Variants in PTPRD observed in about 807,000 individuals in gnomAD.
The protein encoded by PTPRD is protein tyrosine phosphatase receptor type D, also known as receptor-type tyrosine-protein phosphatase delta.
PTPRD carries 34 observed loss-of-function variants against 214.5 expected under a neutral mutation model. The ratio of observed to expected loss-of-function variants is 0.16; its 90% confidence interval spans 0.12 to 0.21. PTPRD has a LOEUF of 0.21. PTPRD is among the 10% of genes least tolerant of loss of function. The pLI is 1.00. For missense variants in PTPRD, 2,545 were observed against 2,398.7 expected (o/e 1.06, Z -1.27); for synonymous variants, 1,128 against 845.7 (o/e 1.33, Z -5.79).
Position 10,156,120 on chromosome 9 carries a change from G to GTA in PTPRD, c.-544-122331_-544-122330insTA, listed in dbSNP as rs1554755822. Reference sequence around the variant, plus strand: ...TGTGTGTGTGTGTGTGTGTGTGTGTGTGTGCCTGTCTCCTTTGGTTCAGCT... The same window carrying GTA: ...TGTGTGTGTGTGTGTGTGTGTGTGTGTATGTGCCTGTCTCCTTTGGTTCAGCT... On this transcript the variant is annotated intron_variant, in intron 3 of 45. Coordinates refer to ENST00000381196, the MANE Select transcript of PTPRD (RefSeq NM_002839.4). 8.0e-4 allele frequency among the ~76,000 whole-genome samples: 112 copies of GTA among 139,884 alleles called. 1 individual carries two copies. Among genetic ancestry groups the GTA allele is most frequent in the African/African-American group, 2.7e-3 (98 of 35,744 alleles). The allele number at this position is 139,884 out of a possible 152,430, so 91.8% of individuals were successfully genotyped here.
At chr9:9,975,229 C>T (rs1452092218) in intron 4 of PTPRD, among the ~76,000 whole-genome samples, 1 of 152,136 alleles carries the variant, frequency 6.6e-6, no homozygotes. Flanking sequence ...CCATGGACTC[C>T]TTTATTTTTC....
chr9:9,227,791 T>C (rs192462995), intron 9 of PTPRD, among the ~76,000 whole-genome samples: 98 of 152,224 alleles, frequency 6.4e-4, no homozygotes, highest in Non-Finnish European at 8.8e-5. Flanking sequence ...GAATGAGCCA[T>C]CTTGGAAATG....
chr9:10,430,195 AT>A (rs2098664464), intron 2 of PTPRD, among the ~76,000 whole-genome samples: 1 of 151,964 alleles, frequency 6.6e-6, no homozygotes, highest in South Asian at 2.1e-4. Flanking sequence ...GAAATTTAGA[AT>A]ATTTTTCCTT....
At chr9:9,305,205 G>A (rs1033028632) in intron 9 of PTPRD, among the ~76,000 whole-genome samples, 40 of 151,230 alleles carry the variant, frequency 2.6e-4, no homozygotes, top group African/African-American at 9.0e-4. Context: ...AATTGTCTTC[G>A]TAACTCTTAC....
chr9:8,497,664 TC>T (rs1310298188), intron 25 of PTPRD, among the ~76,000 whole-genome samples: 1 of 152,102 alleles, frequency 6.6e-6, no homozygotes, highest in African/African-American at 2.4e-5. Context: ...TTCAATGAAG[TC>T]CTGTGAGATG....
chr9:10,383,041 G>A (rs1409479767), intron 2 of PTPRD, among the ~76,000 whole-genome samples: 1 of 151,746 alleles, frequency 6.6e-6, no homozygotes, highest in African/African-American at 2.4e-5. Flanking sequence ...GGCTAGTGAT[G>A]CCTTAAGTCA....
At chr9:8,919,172 C>G (rs1413560786) in intron 11 of PTPRD, among the ~76,000 whole-genome samples, 1 of 152,116 alleles carries the variant, frequency 6.6e-6, no homozygotes, top group Non-Finnish European at 1.5e-5. Flanking sequence ...GTGGGTGGAT[C>G]ACCCGAGGTC....
intron 8 of PTPRD, among the ~76,000 whole-genome samples, chr9:9,510,650 T>C (rs1590233705): frequency 6.6e-6 from 1 of 151,676 alleles, no homozygotes; most frequent in African/African-American, 2.4e-5. Context: ...ATTACTTTTT[T>C]TTTTTTCTAG....
In PTPRD at chr9:8,836,216, G is replaced by A. The variant is rs942097328; in HGVS notation, c.-103-102270C>T. Among the ~76,000 whole-genome samples the A allele has an allele frequency of 8.5e-5, 13 of 152,064 alleles. 1 individual carries two copies. Among genetic ancestry groups the A allele is most frequent in the Admixed American group, 7.9e-4 (12 of 15,262 alleles). On this transcript the variant is annotated intron_variant, in intron 11 of 45. Coordinates refer to ENST00000381196, the MANE Select transcript of PTPRD (RefSeq NM_002839.4). ...CAAAGTTAGTGACCTTGAAACTTGT[G>A]AATTAATTCAGGCGTAAATACTGCT...
chr9:8,566,496 G>T lies in PTPRD; in HGVS notation c.353-37717C>A, dbSNP rs1272548727. On this transcript the variant is annotated intron_variant, in intron 14 of 45. Transcript: ENST00000381196. Reference sequence around the variant, plus strand: ...TATCCTCAGTATGAAACAGCTTAGTGAAAGACAGAGGTTGGCCCTAACAGC... The same window carrying T: ...TATCCTCAGTATGAAACAGCTTAGTTAAAGACAGAGGTTGGCCCTAACAGC... Among the ~76,000 whole-genome samples, 8 of 152,214 alleles carry T rather than the reference G, an allele frequency of 5.3e-5. No individual in the cohort carries two copies. The East Asian group carries it at 1.5e-3, about 29-fold the overall frequency.
At chr9:10,564,561 T>C (rs2065060909) in intron 2 of PTPRD, among the ~76,000 whole-genome samples, 1 of 152,070 alleles carries the variant, frequency 6.6e-6, no homozygotes, top group African/African-American at 2.4e-5. Flanking sequence ...TAAGAAGAGC[T>C]ATATCCTTTA....
At chr9:8,935,916 T>C (rs1404181447) in intron 11 of PTPRD, among the ~76,000 whole-genome samples, 2 of 152,160 alleles carry the variant, frequency 1.3e-5, no homozygotes, top group Non-Finnish European at 1.5e-5. Flanking sequence ...CAAATATTGC[T>C]GGAAGTCCCA....
At chr9:9,474,959 C>T (rs976195953) in intron 8 of PTPRD, among the ~76,000 whole-genome samples, 3 of 152,062 alleles carry the variant, frequency 2.0e-5, no homozygotes, top group African/African-American at 7.2e-5. Flanking sequence ...GCTGGAACCT[C>T]TGTTTTCTCA....
intron 3 of PTPRD, among the ~76,000 whole-genome samples, chr9:10,122,861 A>G (rs954367904): frequency 6.6e-6 from 1 of 152,208 alleles, no homozygotes; most frequent in African/African-American, 2.4e-5. Flanking sequence ...AGCAGTTGTA[A>G]ACTGGAACCT....
intron 9 of PTPRD, among the ~76,000 whole-genome samples, chr9:9,355,427 T>C (rs2053391962): frequency 6.6e-6 from 1 of 151,626 alleles, no homozygotes; most frequent in Admixed American, 6.6e-5. Flanking sequence ...TGAAGATAGA[T>C]CTTCATAGCA....
chr9:9,808,223 T>C (rs1335646158), intron 5 of PTPRD, among the ~76,000 whole-genome samples: 4 of 152,180 alleles, frequency 2.6e-5, no homozygotes, highest in Admixed American at 2.0e-4. Flanking sequence ...TTCTCCAAAG[T>C]ATAGAGCTTT....
At chr9:10,150,680 A>C (rs28606641) in intron 3 of PTPRD, among the ~76,000 whole-genome samples, 1 of 151,538 alleles carries the variant, frequency 6.6e-6, no homozygotes, top group African/African-American at 2.4e-5. Flanking sequence ...TTAAAAATGA[A>C]AAAAATAATA....
At chr9:9,324,818 G>A (rs1569567373) in intron 9 of PTPRD, among the ~76,000 whole-genome samples, 2 of 152,144 alleles carry the variant, frequency 1.3e-5, no homozygotes, top group Non-Finnish European at 2.9e-5. Context: ...GGTTTTTATG[G>A]TTTTAGGTCT....
chr9:9,244,334 T>A (rs1226878953), intron 9 of PTPRD, among the ~76,000 whole-genome samples: 1 of 152,042 alleles, frequency 6.6e-6, no homozygotes, highest in Admixed American at 6.6e-5. Context: ...GCCAAGTCAA[T>A]CCTAAGCCAA....
Sources: allele counts gnomAD v4.1 joint callset (sites outside exome capture counted in the v4.1 genomes callset), GRCh38; gene constraint gnomAD v4.1.1; transcripts MANE v1.5; gene names NCBI Gene and HGNC (gene_info 2026-07-23, HGNC 2026-07-21).